The following COX7B2 variants were observed in gnomAD, a reference collection of about 807,000 sequenced individuals.
COX7B2 encodes the protein cytochrome c oxidase subunit 7B2, mitochondrial.
For synonymous variants in COX7B2, 37 were observed against 32.1 expected (o/e 1.15, Z -0.51); for missense variants, 109 against 95.9 (o/e 1.14, Z -0.57).
rs553427330 is a variant in COX7B2, at chr4:46,777,428, T to G, written c.-49-42187A>C. On this transcript the variant is annotated intron_variant, in intron 2 of 2. Coordinates refer to ENST00000355591, the MANE Select transcript of COX7B2 (RefSeq NM_130902.3). ...GAAGGCGGTGGTGGTGAGGAGAGAG[T>G]GAGTGTTAAATAATGGAAAAATAAT... 1.7e-3 allele frequency among the ~76,000 whole-genome samples: 252 copies of G among 150,530 alleles called. 1 individual carries two copies. Among genetic ancestry groups the G allele is most frequent in the African/African-American group, 5.8e-3 (236 of 40,940 alleles).
At chr4:46,769,155 T>C (rs954764074) in intron 2 of COX7B2, among the ~76,000 whole-genome samples, 1 of 152,000 alleles carries the variant, frequency 6.6e-6, no homozygotes, top group African/African-American at 2.4e-5. Flanking sequence ...TAAAAAAGAA[T>C]GTATGTCAAT....
chr4:46,832,257 T>C (rs1715188226), intron 2 of COX7B2, among the ~76,000 whole-genome samples: 1 of 152,086 alleles, frequency 6.6e-6, no homozygotes, highest in African/African-American at 2.4e-5. Context: ...CCTGAGCCAG[T>C]GAGACCACGA....
chr4:46,873,394 G>C (rs577707222), intron 1 of COX7B2, among the ~76,000 whole-genome samples: 1 of 152,012 alleles, frequency 6.6e-6, no homozygotes, highest in Admixed American at 6.6e-5. Context: ...TTGAGGAATC[G>C]CCACACTGTC....
intron 2 of COX7B2, among the ~76,000 whole-genome samples, chr4:46,785,475 C>A (rs1339873647): frequency 6.6e-6 from 1 of 151,808 alleles, no homozygotes; most frequent in African/African-American, 2.4e-5. Context: ...CTGGGTTACG[C>A]CATTCTCCTG....
At chr4:46,792,034 A>G (rs928208505) in intron 2 of COX7B2, among the ~76,000 whole-genome samples, 7 of 152,210 alleles carry the variant, frequency 4.6e-5, no homozygotes, top group African/African-American at 1.7e-4. Context: ...ACAAGATCCT[A>G]TGAAACATAG....
At chr4:46,881,687 A>T (rs1050174298) in intron 1 of COX7B2, among the ~76,000 whole-genome samples, 7 of 152,086 alleles carry the variant, frequency 4.6e-5, no homozygotes, top group African/African-American at 1.7e-4. Context: ...ACACCACTGC[A>T]CTCCAGCCTG....
At chr4:46,831,379 C>T (rs1432314006) in intron 2 of COX7B2, among the ~76,000 whole-genome samples, 1 of 152,160 alleles carries the variant, frequency 6.6e-6, no homozygotes, top group East Asian at 1.9e-4. Flanking sequence ...ACGAGTGCCA[C>T]CCCCGGCTCC....
intron 2 of COX7B2, among the ~76,000 whole-genome samples, chr4:46,778,050 T>C (rs1488111257): frequency 6.6e-6 from 1 of 152,170 alleles, no homozygotes; most frequent in Non-Finnish European, 1.5e-5. Context: ...CCAGCTCATT[T>C]TGACACCATC....
chr4:46,862,122 C>A (rs1717372102), intron 1 of COX7B2, among the ~76,000 whole-genome samples: 1 of 152,320 alleles, frequency 6.6e-6, no homozygotes, highest in Middle Eastern at 3.4e-3. Context: ...CTCAAGGACT[C>A]CAAGGGCACC....
At chr4:46,833,067 G>A (rs983428508) in intron 2 of COX7B2, among the ~76,000 whole-genome samples, 4 of 152,030 alleles carry the variant, frequency 2.6e-5, no homozygotes, top group Non-Finnish European at 4.4e-5. Context: ...CACGGTGCCC[G>A]GCTAATTTTG....
chr4:46,825,311 A>G (rs530127840), intron 2 of COX7B2, among the ~76,000 whole-genome samples: 2 of 152,268 alleles, frequency 1.3e-5, no homozygotes, highest in African/African-American at 4.8e-5. Context: ...AATACCTAGG[A>G]ATACAGCTAA....
chr4:46,837,712 A>G (rs1308911262), intron 2 of COX7B2, among the ~76,000 whole-genome samples: 1 of 152,118 alleles, frequency 6.6e-6, no homozygotes, highest in Admixed American at 6.6e-5. Flanking sequence ...AATAAGGATA[A>G]GATAACACTT....
chr4:46,759,862 TAA>T (rs1475406902), intron 2 of COX7B2, among the ~76,000 whole-genome samples: 14 of 149,964 alleles, frequency 9.3e-5, no homozygotes, highest in African/African-American at 2.9e-4. Flanking sequence ...ATATCTTATA[TAA>T]GTTATATAAG....
At chr4:46,799,882 T>C (rs1460185570) in intron 2 of COX7B2, among the ~76,000 whole-genome samples, 1 of 151,918 alleles carries the variant, frequency 6.6e-6, no homozygotes, top group Non-Finnish European at 1.5e-5. Flanking sequence ...TAGGGAGGAG[T>C]CCCTTATCCT....
chr4:46,744,273 A>AT (rs1390469566), intron 2 of COX7B2, among the ~76,000 whole-genome samples: 10 of 151,960 alleles, frequency 6.6e-5, no homozygotes, highest in African/African-American at 1.7e-4. Flanking sequence ...CAGTCCCCTC[A>AT]TTCATCATGA....
At chr4:46,908,102 C>T (rs1414297201) in intron 1 of COX7B2, among the ~76,000 whole-genome samples, 9 of 151,874 alleles carry the variant, frequency 5.9e-5, no homozygotes, top group African/African-American at 2.2e-4. Flanking sequence ...CCTCCCGCCT[C>T]GGCCTCCCAA....
chr4:46,904,069 TA>T (rs1416047926), intron 1 of COX7B2: 1 of 152,086 alleles, frequency 6.6e-6, no homozygotes, highest in African/African-American at 2.4e-5. Flanking sequence ...TTTGATAAAC[TA>T]AAACTGAATC....
intron 2 of COX7B2, among the ~76,000 whole-genome samples, chr4:46,828,240 A>C (rs1276778403): frequency 6.6e-6 from 1 of 152,222 alleles, no homozygotes; most frequent in Admixed American, 6.5e-5. Context: ...ACAAAGTATT[A>C]ATCTAGATTA....
At chr4:46,786,511 A>C (rs945642624) in intron 2 of COX7B2, among the ~76,000 whole-genome samples, 2 of 152,296 alleles carry the variant, frequency 1.3e-5, no homozygotes, top group Admixed American at 1.3e-4. Context: ...GGTGCATTAC[A>C]ATTATTTTTC....
Sources: gnomAD v4.1 joint callset for allele counts (sites outside exome capture counted in the v4.1 genomes callset) on GRCh38, gnomAD v4.1.1 for gene constraint, MANE v1.5 for transcripts, NCBI Gene and HGNC (gene_info 2026-07-23, HGNC 2026-07-21) for gene names.